Variants in CNBD2 observed in about 807,000 individuals in gnomAD.
The protein encoded by CNBD2 is cyclic nucleotide-binding domain-containing protein 2.
CNBD2 carries 64 observed loss-of-function variants against 63.7 expected under a neutral mutation model. The ratio of observed to expected loss-of-function variants is 1.00; its 90% CI spans 0.82 to 1.24. The LOEUF (loss-of-function observed/expected upper bound fraction) is 1.24. Ranked by LOEUF, CNBD2 falls within the 50% of genes most tolerant of loss-of-function variation. The pLI, the probability that CNBD2 is intolerant of heterozygous loss-of-function variation, is 0.00. For missense variants in CNBD2, 691 were observed against 713.5 expected (o/e 0.97, Z 0.36); for synonymous variants, 229 against 255.4 (o/e 0.90, Z 0.99).
At chr20:36,002,243 GA>G (rs1308072621) in intron 8 of CNBD2, among the ~76,000 whole-genome samples, 2 of 151,964 alleles carry the variant, frequency 1.3e-5, no homozygotes, top group Non-Finnish European at 2.9e-5. Context: ...AAAAAAATAC[GA>G]AAACCAGTCA....
chr20:35,968,749 C>G lies in CNBD2; in HGVS notation c.-14C>G, dbSNP rs1174858920. ...GCAAAGGGGCTAGTTGTGCCATTTG[C>G]CTGCACAGGAACCATGAGGAGACAT... On this transcript the variant is annotated 5_prime_UTR_variant, in exon 1 of 12. Coordinates refer to ENST00000373973, the MANE Select transcript of CNBD2 (RefSeq NM_001365709.1). 3 of 1,604,384 alleles carry G rather than the reference C, an allele frequency of 1.9e-6. No individual in the cohort carries two copies. The highest frequency in any genetic ancestry group is 2.6e-6 in the Non-Finnish European group (3 of 1,175,930).
chr20:35,986,683 C>A (rs552967883), intron 6 of CNBD2, among the ~76,000 whole-genome samples: 1 of 152,302 alleles, frequency 6.6e-6, no homozygotes, highest in East Asian at 1.9e-4. Flanking sequence ...CTTGAGTTAA[C>A]CTGATTCAAT....
chr20:35,962,416 G>A (rs554207712), intron 2 of CNBD2, among the ~76,000 whole-genome samples: 25 of 152,058 alleles, frequency 1.6e-4, no homozygotes, highest in African/African-American at 6.0e-4. Context: ...CCACCACCAC[G>A]CCCAGCTAAT....
Position 36,030,504 on chromosome 20 carries a change from T to G in CNBD2, c.1587T>G (p.Ser529=). ...AGAGAGAGATCTACAACCCTAAGTC[T>G]GTGGTCCTGGATTTGTGCAGCATCA... is the stretch of plus-strand genomic sequence containing the variant. ...PKKREIYNPK[S]VVLDLCSINK... is the part of the protein sequence containing the mutation. The change falls in exon 12 of 12, where the codon TCT becomes TCG. Residue 529 remains serine (S), a synonymous_variant. Transcript: ENST00000373973. 1.2e-6 allele frequency: 2 copies of G among 1,614,164 alleles called. No homozygotes were observed. The highest frequency in any genetic ancestry group is 1.7e-6 in the Non-Finnish European group (2 of 1,180,030).
In CNBD2 at chr20:35,975,733, C is replaced by G. The variant is rs77374803; in HGVS notation, c.190-216C>G. Among the ~76,000 whole-genome samples the G allele has an allele frequency of 5.0e-3, 759 of 152,216 alleles. 7 individuals carry two copies. The highest frequency in any genetic ancestry group is 0.018 in the African/African-American group (735 of 41,488). ...TCCTTCTCCCCACCCCCATATTTCT[C>G]TGCCTTCACAATAATATGCTGTAAA... is the stretch of plus-strand genomic sequence containing the variant. On this transcript the variant is annotated intron_variant, in intron 2 of 11. Transcript: ENST00000373973.
At chr20:35,975,487 A>G (rs1480065070) in intron 2 of CNBD2, among the ~76,000 whole-genome samples, 20 of 135,482 alleles carry the variant, frequency 1.5e-4, no homozygotes, top group Admixed American at 6.8e-4. Context: ...TTTTTAGTAG[A>G]GACGGGGTTT....
chr20:35,999,526 A>G (rs560250834), intron 8 of CNBD2, among the ~76,000 whole-genome samples: 1 of 152,308 alleles, frequency 6.6e-6, no homozygotes, highest in Non-Finnish European at 1.5e-5. Context: ...TTTAAGTGAT[A>G]TTATACCACT....
At chr20:36,024,933 T>C (rs559617165) in intron 11 of CNBD2, among the ~76,000 whole-genome samples, 17 of 152,088 alleles carry the variant, frequency 1.1e-4, no homozygotes, top group Non-Finnish European at 8.8e-5. Flanking sequence ...GAAATCTGTC[T>C]CAAACAAAAA....
chr20:36,022,195 C>CTTTTTTTT (rs753206662), intron 10 of CNBD2, among the ~76,000 whole-genome samples: 7 of 56,262 alleles, frequency 1.2e-4, no homozygotes, highest in South Asian at 7.4e-4. Context: ...TTTTTTTTTT[C>CTTTTTTTT]TTTTTTTTTT....
intron 9 of CNBD2, among the ~76,000 whole-genome samples, chr20:36,010,319 C>T (rs2057040709): frequency 6.6e-6 from 1 of 152,096 alleles, no homozygotes; most frequent in Admixed American, 6.6e-5. Flanking sequence ...AGCTCCTGGC[C>T]TCCATAACGA....
intron 2 of CNBD2, among the ~76,000 whole-genome samples, chr20:35,975,228 C>T (rs1328898213): frequency 7.3e-6 from 1 of 136,584 alleles, no homozygotes; most frequent in East Asian, 2.1e-4. Flanking sequence ...GTCTCGATCT[C>T]CTGACCTCGT....
At chr20:35,954,611 G>C, upstream of CNBD2, 1 of 1,364,646 alleles carries the variant, frequency 7.3e-7, no homozygotes, top group Non-Finnish European at 9.7e-7. Flanking sequence ...CGGTGCGGGA[G>C]GGCGAGCTGC....
Position 36,008,285 on chromosome 20 carries a change from T to G in CNBD2, c.971-12T>G. 1 of 1,595,596 alleles carries G rather than the reference T, an allele frequency of 6.3e-7. No individual in the cohort carries two copies. Among genetic ancestry groups the G allele is most frequent in the Non-Finnish European group, 8.5e-7 (1 of 1,172,342 alleles). On this transcript the variant is annotated splice_polypyrimidine_tract_variant and intron_variant, in intron 8 of 11. Coordinates refer to ENST00000373973, the MANE Select transcript of CNBD2 (RefSeq NM_001365709.1). ...GATCCATAAGTATCTTTTCCTGTGC[T>G]TTCTCTAACAGAATACTCTCCTATG...
At chr20:35,976,560 A>T (rs1173627836) in intron 3 of CNBD2, among the ~76,000 whole-genome samples, 2 of 152,166 alleles carry the variant, frequency 1.3e-5, no homozygotes, top group Non-Finnish European at 2.9e-5. Flanking sequence ...ACTGCATTCC[A>T]GTCTGGGTGA....
At chr20:35,958,289 G>T (rs1305768865), downstream of CNBD2, among the ~76,000 whole-genome samples, 1 of 152,038 alleles carries the variant, frequency 6.6e-6, no homozygotes, top group Non-Finnish European at 1.5e-5. Flanking sequence ...AAAATTAGCT[G>T]GGCATGGTGG....
intron 10 of CNBD2, among the ~76,000 whole-genome samples, chr20:36,022,586 C>A (rs932748769): frequency 6.6e-6 from 1 of 151,924 alleles, no homozygotes; most frequent in Non-Finnish European, 1.5e-5. Flanking sequence ...CAGCCTGCCT[C>A]AGCCTCCCAA....
At chr20:36,007,144 G>A (rs1426394153) in intron 8 of CNBD2, among the ~76,000 whole-genome samples, 5 of 151,988 alleles carry the variant, frequency 3.3e-5, no homozygotes, top group African/African-American at 4.8e-5. Flanking sequence ...AGCAGAGATC[G>A]CACCACTGCA....
At chr20:36,011,051 G>C in intron 9 of CNBD2, 86 bp from the exon 10 acceptor site, 1 of 1,305,048 alleles carries the variant, frequency 7.7e-7, no homozygotes. Flanking sequence ...AGCCCTCCAT[G>C]TGCAGAAGAG....
At chr20:36,023,518 AAAAAT>A in intron 10 of CNBD2, 79 bp from the exon 11 acceptor site, 1 of 1,287,928 alleles carries the variant, frequency 7.8e-7, no homozygotes, top group Non-Finnish European at 1.0e-6. Flanking sequence ...CGTCTCAAAA[AAAAAT>A]AAAAGAAAAA....
Sources: gnomAD v4.1 joint callset for allele counts (sites outside exome capture counted in the v4.1 genomes callset) on GRCh38, gnomAD v4.1.1 for gene constraint, MANE v1.5 for transcripts, NCBI Gene and HGNC (gene_info 2026-07-23, HGNC 2026-07-21) for gene names.